Variants in HTR4 observed in about 807,000 individuals in gnomAD.
HTR4 encodes the protein 5-hydroxytryptamine (serotonin) receptor 4, G protein-coupled.
Under a neutral mutation model 36.8 loss-of-function variants are expected in HTR4, and 16 were observed. The ratio of observed to expected loss-of-function variants is 0.43; its 90% CI spans 0.29 to 0.66. HTR4 has a LOEUF of 0.66. Among genes scored for constraint, HTR4 ranks in the 30% least tolerant of loss-of-function variants. The probability of loss-of-function intolerance (pLI) is 0.13; values close to 1 mark genes in which losing one functional copy is unlikely to be tolerated. For synonymous variants in HTR4, 189 were observed against 185.1 expected (o/e 1.02, Z -0.17); for missense variants, 438 against 490.9 (o/e 0.89, Z 1.02).
intron 1 of HTR4, among the ~76,000 whole-genome samples, chr5:148,646,748 G>A (rs1028350291): frequency 3.3e-5 from 5 of 152,222 alleles, no homozygotes; most frequent in East Asian, 1.9e-4. Flanking sequence ...AACCCTTCAC[G>A]TGCATTACTT....
intron 6 of HTR4, among the ~76,000 whole-genome samples, chr5:148,491,241 G>T (rs1756416004): frequency 6.6e-6 from 1 of 152,118 alleles, no homozygotes; most frequent in East Asian, 1.9e-4. Flanking sequence ...TATCTGCAAG[G>T]TTACTGCCGG....
rs556452638 is a variant in HTR4, at chr5:148,644,206, C to T, written c.-47-7145G>A. Among the ~76,000 whole-genome samples the T allele has an allele frequency of 9.9e-5, 15 of 152,180 alleles. No individual in the cohort carries two copies. The East Asian group carries it at 1.4e-3, about 14-fold the overall frequency. On this transcript the variant is annotated intron_variant, in intron 1 of 6. Transcript: ENST00000377888. ...CTCCAAAAGTGTGGTTCACATCCCCCGGGGAAAGAATATGTTCTTATGCAG... is the reference window on the plus strand; with the variant it reads ...CTCCAAAAGTGTGGTTCACATCCCCTGGGGAAAGAATATGTTCTTATGCAG...
chr5:148,550,076 A>G lies in HTR4; in HGVS notation c.152+61T>C, dbSNP rs181621076. On this transcript the variant is annotated intron_variant, in intron 3 of 6. Transcript: ENST00000377888. ...ATTCTAATAGAAATGTTCACACCCA[A>G]CTCTCTAGGGACAGCTCAGAACTCC... The G allele has an allele frequency of 1.0e-5, 16 of 1,558,838 alleles. No individual in the cohort carries two copies. In the South Asian group the frequency reaches 1.1e-4, roughly 10 times the overall value.
intron 6 of HTR4, among the ~76,000 whole-genome samples, chr5:148,498,983 T>A (rs1439407680): frequency 1.3e-5 from 2 of 152,172 alleles, no homozygotes; most frequent in Non-Finnish European, 2.9e-5. Context: ...GATTAAAAAA[T>A]GACTCATCAA....
intron 2 of HTR4, among the ~76,000 whole-genome samples, chr5:148,601,734 G>A (rs1762003718): frequency 6.6e-6 from 1 of 152,182 alleles, no homozygotes; most frequent in Non-Finnish European, 1.5e-5. Context: ...TTGGAAGGCG[G>A]AGGTTGCAGT....
At chr5:148,641,396 C>T (rs1753724490) in intron 1 of HTR4, among the ~76,000 whole-genome samples, 2 of 152,160 alleles carry the variant, frequency 1.3e-5, no homozygotes, top group African/African-American at 2.4e-5. Flanking sequence ...TTATACCCTC[C>T]ATACTAATCC....
chr5:148,582,866 C>G (rs1307470620), intron 2 of HTR4, among the ~76,000 whole-genome samples: 1 of 152,016 alleles, frequency 6.6e-6, no homozygotes, highest in African/African-American at 2.4e-5. Context: ...GATATACAAT[C>G]ATGTCGTCTG....
downstream of HTR4, chr5:148,476,643 A>G (rs1157033756): frequency 9.4e-6 from 15 of 1,589,578 alleles, no homozygotes; most frequent in Admixed American, 1.9e-5. Flanking sequence ...AAATACATCC[A>G]ATGAATTTAT....
At chr5:148,607,036 TC>T (rs757297330) in intron 2 of HTR4, among the ~76,000 whole-genome samples, 2 of 152,204 alleles carry the variant, frequency 1.3e-5, no homozygotes, top group African/African-American at 2.4e-5. Context: ...TAAACCTTAA[TC>T]ATAATGGTGG....
At chr5:148,529,998 A>G (rs554897635) in intron 4 of HTR4, among the ~76,000 whole-genome samples, 1 of 152,280 alleles carries the variant, frequency 6.6e-6, no homozygotes, top group South Asian at 2.1e-4. Flanking sequence ...CTGATGGAAG[A>G]AATTTCCACC....
At chr5:148,547,065 G>A (rs987493379) in intron 4 of HTR4, among the ~76,000 whole-genome samples, 3 of 152,086 alleles carry the variant, frequency 2.0e-5, no homozygotes, top group African/African-American at 2.4e-5. Context: ...TCAACTATAT[G>A]TTCTTGGCAG....
intron 4 of HTR4, among the ~76,000 whole-genome samples, chr5:148,529,589 T>G (rs1173926186): frequency 1.3e-5 from 2 of 152,240 alleles, no homozygotes; most frequent in Admixed American, 6.5e-5. Flanking sequence ...AATTGCCCAG[T>G]CTTGGGTATG....
intron 1 of HTR4, among the ~76,000 whole-genome samples, chr5:148,650,304 T>C (rs1038162613): frequency 2.0e-5 from 3 of 152,096 alleles, no homozygotes; most frequent in African/African-American, 7.2e-5. Context: ...CTTGTTGACA[T>C]AGCACTTAAA....
At chr5:148,576,729 C>T (rs573727175) in intron 2 of HTR4, among the ~76,000 whole-genome samples, 1 of 152,104 alleles carries the variant, frequency 6.6e-6, no homozygotes, top group South Asian at 2.1e-4. Context: ...AAAAGACTCC[C>T]TATTCAATAA....
At chr5:148,620,044 G>A (rs1006016574) in intron 2 of HTR4, among the ~76,000 whole-genome samples, 4 of 152,160 alleles carry the variant, frequency 2.6e-5, no homozygotes, top group African/African-American at 9.7e-5. Flanking sequence ...TGATATTTTA[G>A]GGGAAAAGAG....
intron 1 of HTR4, among the ~76,000 whole-genome samples, chr5:148,649,495 A>T (rs895393655): frequency 1.3e-5 from 2 of 152,202 alleles, no homozygotes; most frequent in African/African-American, 4.8e-5. Context: ...TTCTTAACTT[A>T]GACTCTTCAG....
intron 4 of HTR4, among the ~76,000 whole-genome samples, chr5:148,524,579 G>A (rs1427897012): frequency 6.6e-6 from 1 of 152,152 alleles, no homozygotes; most frequent in Non-Finnish European, 1.5e-5. Flanking sequence ...TCTGGCCTTG[G>A]AGATCACCTC....
intron 4 of HTR4, among the ~76,000 whole-genome samples, chr5:148,541,035 T>C (rs1198316153): frequency 6.6e-6 from 1 of 152,208 alleles, no homozygotes; most frequent in Non-Finnish European, 1.5e-5. Context: ...CATTATTCAG[T>C]TTATTAACTG....
chr5:148,600,987 A>AC (rs1761969767), intron 2 of HTR4, among the ~76,000 whole-genome samples: 1 of 147,746 alleles, frequency 6.8e-6, no homozygotes, highest in Non-Finnish European at 1.5e-5. Context: ...AAAAAAAAAA[A>AC]AAAAAAAAAA....
Sources: allele counts gnomAD v4.1 joint callset (sites outside exome capture counted in the v4.1 genomes callset), GRCh38; gene constraint gnomAD v4.1.1; transcripts MANE v1.5; gene names NCBI Gene and HGNC (gene_info 2026-07-23, HGNC 2026-07-21).